Variants in HS1BP3 observed in about 807,000 individuals in gnomAD.
The protein encoded by HS1BP3 is HCLS1-binding protein 3.
In HS1BP3, 32 loss-of-function variants were observed where a neutral mutation model predicts 33.5. That is an observed-to-expected ratio of 0.95 (90% CI 0.72 to 1.28). HS1BP3 has a LOEUF of 1.28. Ranked by LOEUF, HS1BP3 falls within the 50% of genes most tolerant of loss-of-function variation. The pLI, the probability that HS1BP3 is intolerant of heterozygous loss-of-function variation, is 0.00. For synonymous variants in HS1BP3, 187 were observed against 209.2 expected (o/e 0.89, Z 0.92); for missense variants, 486 against 502.3 (o/e 0.97, Z 0.31).
chr2:20,616,924 C>T (rs896735), downstream of HS1BP3, among the ~76,000 whole-genome samples: 151,534 of 152,254 alleles, frequency 1, 75,411 homozygotes, highest in East Asian at 1. Context: ...GCCACAGATA[C>T]TGGAGCATCA....
chr2:20,638,416 C>T lies in HS1BP3; in HGVS notation c.623+20G>A. 6.2e-7 allele frequency: 1 copy of T among 1,610,258 alleles called. No homozygotes were observed. Among genetic ancestry groups the T allele is most frequent in the Non-Finnish European group, 8.5e-7 (1 of 1,177,412 alleles). ...GCCTGGAATACACCAAAGGGGCCCT[C>T]TCAACAACAGGAGACCAACCGCATA... On this transcript the variant is annotated intron_variant, in intron 4 of 6. Coordinates refer to ENST00000304031, the MANE Select transcript of HS1BP3 (RefSeq NM_022460.4).
At chr2:20,627,463 G>C (rs1215106058) in intron 4 of HS1BP3, among the ~76,000 whole-genome samples, 1 of 152,236 alleles carries the variant, frequency 6.6e-6, no homozygotes, top group Non-Finnish European at 1.5e-5. Context: ...ACAGGCGCGA[G>C]GAGGTCTCTC....
chr2:20,640,246 G>C (rs563913402), intron 3 of HS1BP3: 2 of 152,526 alleles, frequency 1.3e-5, no homozygotes, highest in East Asian at 3.9e-4. Flanking sequence ...GGGGTTCTGG[G>C]TTGACAGGAC....
intron 3 of HS1BP3, chr2:20,640,677 T>G: frequency 1.8e-6 from 1 of 569,116 alleles, no homozygotes; most frequent in Non-Finnish European, 3.2e-6. Context: ...AGTCGGGGGG[T>G]GTCGGGCAAG....
intron 1 of HS1BP3, among the ~76,000 whole-genome samples, chr2:20,648,541 C>A (rs1426932479): frequency 2.6e-5 from 4 of 152,200 alleles, no homozygotes; most frequent in South Asian, 4.1e-4. Flanking sequence ...CTTCTCTGCC[C>A]ACCCTGGCCA....
At chr2:20,599,837 C>T (rs1032623991) in intron 2 of HS1BP3, among the ~76,000 whole-genome samples, 2 of 152,100 alleles carry the variant, frequency 1.3e-5, no homozygotes, top group South Asian at 2.1e-4. Context: ...CCATCTGTTC[C>T]CCAGGGAGAC....
chr2:20,616,739 C>T (rs1341261880), downstream of HS1BP3, among the ~76,000 whole-genome samples: 1 of 152,074 alleles, frequency 6.6e-6, no homozygotes, highest in Non-Finnish European at 1.5e-5. Flanking sequence ...TGGCTGAGTC[C>T]ATTGTTTTAA....
At chr2:20,587,892 C>T (rs1451516297), downstream of HS1BP3, among the ~76,000 whole-genome samples, 1 of 152,208 alleles carries the variant, frequency 6.6e-6, no homozygotes, top group Non-Finnish European at 1.5e-5. Context: ...CAGCTCTGTT[C>T]TGGGAAAGAA....
chr2:20,576,357 C>T (rs1453348489), intron 5 of HS1BP3, among the ~76,000 whole-genome samples: 1 of 152,182 alleles, frequency 6.6e-6, no homozygotes, highest in Non-Finnish European at 1.5e-5. Context: ...CTCCTCTTTT[C>T]CTGTCCTCAG....
downstream of HS1BP3, chr2:20,590,917 C>A (rs1321399346): frequency 6.0e-6 from 1 of 167,194 alleles, no homozygotes; most frequent in African/African-American, 2.4e-5. Context: ...TGCAAAGATT[C>A]CTATTCAATA....
intron 5 of HS1BP3, among the ~76,000 whole-genome samples, chr2:20,571,488 C>T (rs1693273112): frequency 1.3e-5 from 2 of 152,224 alleles, no homozygotes; most frequent in South Asian, 2.1e-4. Flanking sequence ...TCCTGTGCCT[C>T]GGCATTTCCA....
At chr2:20,586,250 T>C (rs1015210720) in intron 5 of HS1BP3, 1 of 152,220 alleles carries the variant, frequency 6.6e-6, no homozygotes, top group African/African-American at 2.4e-5. Flanking sequence ...AAAGAGGCTT[T>C]TGGACAATGT....
chr2:20,599,134 A>G (rs1275977577), intron 2 of HS1BP3, among the ~76,000 whole-genome samples: 1 of 152,226 alleles, frequency 6.6e-6, no homozygotes. Flanking sequence ...AAACGTGTCT[A>G]TTCTTTTCAG....
downstream of HS1BP3, among the ~76,000 whole-genome samples, chr2:20,558,172 T>A (rs1692886355): frequency 6.6e-6 from 1 of 152,072 alleles, no homozygotes; most frequent in African/African-American, 2.4e-5. Context: ...GGAGATGAGA[T>A]AATTTGGAAG....
intron 4 of HS1BP3, among the ~76,000 whole-genome samples, chr2:20,629,338 C>A (rs2149294865): frequency 6.6e-6 from 1 of 152,350 alleles, no homozygotes; most frequent in African/African-American, 2.4e-5. Flanking sequence ...ATATCAGCAT[C>A]CACCCAGCTG....
intron 5 of HS1BP3, among the ~76,000 whole-genome samples, chr2:20,565,640 T>A (rs1456315766): frequency 3.9e-5 from 6 of 152,216 alleles, no homozygotes; most frequent in Admixed American, 3.3e-4. Context: ...CAGCACACCC[T>A]GCAACTAGGG....
chr2:20,623,860 C>G, intron 6 of HS1BP3, 36 bp downstream of exon 6: 1 of 1,597,284 alleles, frequency 6.3e-7, no homozygotes, highest in Non-Finnish European at 8.5e-7. Flanking sequence ...AGAACACTCT[C>G]AGAGCTGGCC....
chr2:20,577,121 G>A (rs1435865705), intron 5 of HS1BP3, among the ~76,000 whole-genome samples: 7 of 152,244 alleles, frequency 4.6e-5, no homozygotes, highest in Admixed American at 4.6e-4. Context: ...GGGCCTAGAT[G>A]GAGATGTGGG....
At position 20,641,060 on chromosome 2, in the gene HS1BP3, C is replaced by T. The variant is rs746328334; in HGVS notation, c.319G>A (p.Glu107Lys). 3.1e-6 allele frequency: 5 copies of T among 1,614,042 alleles called. No individual in the cohort carries two copies. The African/African-American group carries it at 6.7e-5, about 22-fold the overall frequency. Residue 107 changes from glutamate (E) to lysine (K), a missense_variant, in exon 3 of 7, where the codon GAG (glutamate) becomes AAG (lysine). Coordinates refer to ENST00000304031, the MANE Select transcript of HS1BP3 (RefSeq NM_022460.4). ...ATCTCATTGAACACGGCTCTCCTCT[C>T]CCGGATGTCAGACTCCCCAACAAAC... ...VLFVGESDIRERRAVFNEILR... is the reference protein window; with the variant it reads ...VLFVGESDIRKRRAVFNEILR...
Sources: allele counts gnomAD v4.1 joint callset (sites outside exome capture counted in the v4.1 genomes callset), GRCh38; gene constraint gnomAD v4.1.1; transcripts MANE v1.5; gene names NCBI Gene and HGNC (gene_info 2026-07-23, HGNC 2026-07-21).